PGM5: variants seen among roughly 807,000 people sequenced by gnomAD.
PGM5 encodes phosphoglucomutase-like protein 5.
Under a neutral mutation model 59.2 loss-of-function variants are expected in PGM5, and 23 were observed. The observed-to-expected ratio is 0.39, with a 90% CI of 0.28 to 0.55. The LOEUF (loss-of-function observed/expected upper bound fraction) is 0.55. PGM5 is among the 20% of genes least tolerant of loss of function. The pLI, the probability that PGM5 is intolerant of heterozygous loss-of-function variation, is 0.66. For synonymous variants in PGM5, 214 were observed against 286.0 expected (o/e 0.75, Z 2.54); for missense variants, 574 against 748.3 (o/e 0.77, Z 2.72).
At chr9:68,420,337 A>G (rs141197542) in intron 6 of PGM5, among the ~76,000 whole-genome samples, 11 of 152,286 alleles carry the variant, frequency 7.2e-5, no homozygotes, top group South Asian at 2.1e-4. Flanking sequence ...CTTGAGTACA[A>G]CTGAAGGAAA....
chr9:68,375,239 A>G (rs534750837), intron 1 of PGM5, among the ~76,000 whole-genome samples: 2 of 152,194 alleles, frequency 1.3e-5, no homozygotes, highest in Non-Finnish European at 2.9e-5. Context: ...TCTGCAATAT[A>G]TACTGATTAC....
intron 6 of PGM5, among the ~76,000 whole-genome samples, chr9:68,440,952 T>C (rs1458030020): frequency 6.6e-6 from 1 of 151,960 alleles, no homozygotes; most frequent in African/African-American, 2.4e-5. Context: ...AGACACAAAT[T>C]ATAAACATCA....
chr9:68,400,009 T>A (rs1436687702), intron 6 of PGM5, among the ~76,000 whole-genome samples: 1 of 152,194 alleles, frequency 6.6e-6, no homozygotes, highest in Non-Finnish European at 1.5e-5. Context: ...TTTTAAATTG[T>A]TATTTCTTCT....
At chr9:68,376,477 G>GTGTA (rs1554677653) in intron 1 of PGM5, among the ~76,000 whole-genome samples, 12 of 38,482 alleles carry the variant, frequency 3.1e-4, no homozygotes, top group African/African-American at 1.0e-3. Flanking sequence ...CTTTTGAGCT[G>GTGTA]TGTGTGTGTG....
At chr9:68,410,408 C>T (rs1822907812) in intron 6 of PGM5, among the ~76,000 whole-genome samples, 1 of 151,968 alleles carries the variant, frequency 6.6e-6, no homozygotes, top group South Asian at 2.1e-4. Flanking sequence ...AGATGATGTC[C>T]TAAACATTCA....
chr9:68,386,591 A>G (rs1274134464), intron 3 of PGM5, among the ~76,000 whole-genome samples: 1 of 152,136 alleles, frequency 6.6e-6, no homozygotes, highest in Non-Finnish European at 1.5e-5. Context: ...TCAGGGTTTC[A>G]AAGTAGTATG....
chr9:68,480,159 A>G (rs553150939), intron 8 of PGM5, among the ~76,000 whole-genome samples: 1 of 152,296 alleles, frequency 6.6e-6, no homozygotes, highest in East Asian at 1.9e-4. Context: ...TTATTTGGTA[A>G]CTATCATGGC....
At chr9:68,516,501 G>A (rs918279947) in intron 10 of PGM5, among the ~76,000 whole-genome samples, 3 of 152,230 alleles carry the variant, frequency 2.0e-5, no homozygotes, top group African/African-American at 7.2e-5. Flanking sequence ...TGGGGTGGCA[G>A]TTAGGCGAAG....
chr9:68,377,168 CT>C (rs1322190562), intron 1 of PGM5, among the ~76,000 whole-genome samples: 1 of 152,090 alleles, frequency 6.6e-6, no homozygotes, highest in Non-Finnish European at 1.5e-5. Context: ...CTCAAGTGAT[CT>C]GCCCACCTCA....
intron 2 of PGM5, among the ~76,000 whole-genome samples, chr9:68,380,436 T>C (rs1324516967): frequency 6.6e-6 from 1 of 151,850 alleles, no homozygotes; most frequent in African/African-American, 2.4e-5. Flanking sequence ...ACCTACAGTA[T>C]GCGGCAAAGT....
At chr9:68,383,169 A>G (rs578051356) in intron 2 of PGM5, among the ~76,000 whole-genome samples, 1 of 151,746 alleles carries the variant, frequency 6.6e-6, no homozygotes, top group Non-Finnish European at 1.5e-5. Flanking sequence ...GAATAGGACT[A>G]TTGCTATTCT....
chr9:68,447,755 A>G (rs1192535814), intron 6 of PGM5, among the ~76,000 whole-genome samples: 1 of 152,214 alleles, frequency 6.6e-6, no homozygotes, highest in Non-Finnish European at 1.5e-5. Context: ...ATACCCATAG[A>G]GGTCCCTAAG....
At chr9:68,510,264 G>T (rs938429594) in intron 10 of PGM5, among the ~76,000 whole-genome samples, 8 of 147,690 alleles carry the variant, frequency 5.4e-5, no homozygotes, top group Non-Finnish European at 1.2e-4. Context: ...CCCTTCTCCT[G>T]CCTCAGCCTC....
At chr9:68,520,984 G>A (rs1266301070) in intron 10 of PGM5, among the ~76,000 whole-genome samples, 1 of 152,116 alleles carries the variant, frequency 6.6e-6, no homozygotes, top group Non-Finnish European at 1.5e-5. Flanking sequence ...GAAACTTTTG[G>A]CATTAAGACA....
In PGM5 at chr9:68,435,376, C is replaced by T. The variant is rs556836002; in HGVS notation, c.1044-29717C>T. ...CATCATAATGGTTGGCAATTTTCATCGGGTAAAAAAGAAATCCTGTACCCT... is the reference window on the plus strand; with the variant it reads ...CATCATAATGGTTGGCAATTTTCATTGGGTAAAAAAGAAATCCTGTACCCT... On this transcript the variant is annotated intron_variant, in intron 6 of 10. Coordinates refer to ENST00000396396, the MANE Select transcript of PGM5 (RefSeq NM_021965.4). Among the ~76,000 whole-genome samples the T allele has an allele frequency of 8.5e-5, 13 of 152,230 alleles. No homozygotes were observed. The South Asian group carries it at 1.9e-3, about 22-fold the overall frequency.
At chr9:68,398,852 G>A (rs1330159629) in intron 6 of PGM5, among the ~76,000 whole-genome samples, 2 of 152,108 alleles carry the variant, frequency 1.3e-5, no homozygotes, top group Non-Finnish European at 2.9e-5. Context: ...CAGGCATAGA[G>A]AGTTGAGTTA....
intron 6 of PGM5, among the ~76,000 whole-genome samples, chr9:68,447,952 G>C (rs1457096150): frequency 2.6e-5 from 4 of 152,186 alleles, no homozygotes; most frequent in African/African-American, 9.7e-5. Context: ...TGGGTTGCCA[G>C]GGGCAGAAAC....
intron 9 of PGM5, among the ~76,000 whole-genome samples, chr9:68,493,261 A>G (rs1241247532): frequency 1.3e-5 from 2 of 152,244 alleles, no homozygotes; most frequent in Non-Finnish European, 2.9e-5. Context: ...TGATTTACAC[A>G]AGGGTTTATT....
chr9:68,465,667 A>G (rs1420131773), intron 7 of PGM5, among the ~76,000 whole-genome samples: 2 of 152,180 alleles, frequency 1.3e-5, no homozygotes, highest in Non-Finnish European at 2.9e-5. Flanking sequence ...AAAACCACAT[A>G]ACCACAGTAC....
Sources: allele counts gnomAD v4.1 joint callset (sites outside exome capture counted in the v4.1 genomes callset), GRCh38; gene constraint gnomAD v4.1.1; transcripts MANE v1.5; gene names NCBI Gene and HGNC (gene_info 2026-07-23, HGNC 2026-07-21).